The following ASCC3 variants were observed in gnomAD, a reference collection of about 807,000 sequenced individuals.
The protein encoded by ASCC3 is activating signal cointegrator 1 complex subunit 3.
ASCC3 carries 158 observed loss-of-function variants against 256.3 expected under a neutral mutation model. That is an observed-to-expected ratio of 0.62 (90% CI 0.54 to 0.70). The LOEUF is 0.70. Among genes scored for constraint, ASCC3 ranks in the 30% least tolerant of loss-of-function variants. The pLI, the probability that ASCC3 is intolerant of heterozygous loss-of-function variation, is 0.00. For missense variants in ASCC3, 2,259 were observed against 2,626.0 expected (o/e 0.86, Z 3.05); for synonymous variants, 948 against 883.4 (o/e 1.07, Z -1.30).
At chr6:100,616,938 A>C (rs1773691452) in intron 30 of ASCC3, among the ~76,000 whole-genome samples, 2 of 151,970 alleles carry the variant, frequency 1.3e-5, no homozygotes, top group South Asian at 4.1e-4. Flanking sequence ...CTGCTTTCCC[A>C]CCCCAGAAAA....
chr6:100,690,281 C>A (rs1393865589), intron 13 of ASCC3, among the ~76,000 whole-genome samples: 2 of 152,064 alleles, frequency 1.3e-5, no homozygotes, highest in Admixed American at 1.3e-4. Flanking sequence ...GTCTACGTGT[C>A]CAGTACAGAT....
intron 36 of ASCC3, among the ~76,000 whole-genome samples, chr6:100,545,333 A>T (rs1775665686): frequency 6.6e-6 from 1 of 152,108 alleles, no homozygotes. Flanking sequence ...GTGTGCCAGC[A>T]CACCTGGCTA....
intron 4 of ASCC3, among the ~76,000 whole-genome samples, chr6:100,832,963 T>C (rs1303123104): frequency 1.3e-5 from 2 of 151,930 alleles, no homozygotes; most frequent in Non-Finnish European, 2.9e-5. Flanking sequence ...TGAGCTATAC[T>C]AGAAAAACAA....
At chr6:100,862,183 G>T (rs374162241) in intron 3 of ASCC3, among the ~76,000 whole-genome samples, 2 of 152,134 alleles carry the variant, frequency 1.3e-5, no homozygotes, top group East Asian at 3.9e-4. Flanking sequence ...CAAACAACCT[G>T]CCTCTGTATT....
At position 100,608,252 on chromosome 6, in the gene ASCC3, C is replaced by CTTTATACTT. The variant is rs1554200834; in HGVS notation, c.4786-1165_4786-1164insAAGTATAAA. ...ATATACTTTATACTTTATATATATA[C>CTTTATACTT]TTTATATATACTTTATATATATACT... On this transcript the variant is annotated intron_variant, in intron 30 of 41. Transcript: ENST00000369162. 2.4e-4 allele frequency among the ~76,000 whole-genome samples: 8 copies of CTTTATACTT among 32,986 alleles called. 2 individuals carry two copies. Among genetic ancestry groups the CTTTATACTT allele is most frequent in the Non-Finnish European group, 3.1e-4 (5 of 16,070 alleles). 21.6% of individuals were successfully genotyped at this position (32,986 alleles called of 152,430 possible).
At chr6:100,747,021 C>T (rs1408102455) in intron 10 of ASCC3, among the ~76,000 whole-genome samples, 1 of 151,874 alleles carries the variant, frequency 6.6e-6, no homozygotes. Flanking sequence ...CAACAAAGAG[C>T]TTGTATTCAG....
chr6:100,622,894 A>T (rs962582853), intron 30 of ASCC3, among the ~76,000 whole-genome samples: 1 of 152,010 alleles, frequency 6.6e-6, no homozygotes, highest in African/African-American at 2.4e-5. Flanking sequence ...ATTAAAATTA[A>T]CAACAACAAC....
intron 10 of ASCC3, among the ~76,000 whole-genome samples, chr6:100,749,153 C>G (rs1314105582): frequency 6.6e-6 from 1 of 151,968 alleles, no homozygotes; most frequent in African/African-American, 2.4e-5. Flanking sequence ...GCCTCTTCCC[C>G]GTCAAACAGT....
At chr6:100,553,101 C>G (rs1013367484) in intron 36 of ASCC3, among the ~76,000 whole-genome samples, 8 of 152,052 alleles carry the variant, frequency 5.3e-5, no homozygotes, top group African/African-American at 1.9e-4. Flanking sequence ...ACTTAGTTCT[C>G]AGGTCCCTCA....
At position 100,539,653 on chromosome 6, in the gene ASCC3, CTT is replaced by C. The variant is rs559476341; in HGVS notation, c.5775+508_5775+509del. ...CTCCAGAGACCCTACGGTTCACTCT[CTT>C]CTTTCATTTTTAGTTAAATGTTACC... On this transcript the variant is annotated intron_variant, in intron 37 of 41. Transcript: ENST00000369162. Among the ~76,000 whole-genome samples, 165 of 152,196 alleles carry C rather than the reference CTT, an allele frequency of 1.1e-3. 1 individual carries two copies. Among genetic ancestry groups the C allele is most frequent in the Middle Eastern group, 3.4e-3 (1 of 294 alleles).
chr6:100,798,059 G>T (rs1177652354), intron 8 of ASCC3, among the ~76,000 whole-genome samples: 1 of 151,938 alleles, frequency 6.6e-6, no homozygotes, highest in African/African-American at 2.4e-5. Flanking sequence ...TGCTGTTTTT[G>T]CTTGCCTGTA....
chr6:100,532,372 A>G (rs2398126), intron 37 of ASCC3, among the ~76,000 whole-genome samples: 894 of 68,316 alleles, frequency 0.013, 6 homozygotes, highest in African/African-American at 0.033. Flanking sequence ...GTGTGTGTGT[A>G]TGTGTGTATA....
intron 4 of ASCC3, among the ~76,000 whole-genome samples, chr6:100,833,749 G>A (rs1771736940): frequency 6.6e-6 from 1 of 152,160 alleles, no homozygotes; most frequent in African/African-American, 2.4e-5. Context: ...GTGTCATTCA[G>A]AGTGAAGGGC....
At chr6:100,551,767 A>G (rs1350581606) in intron 36 of ASCC3, among the ~76,000 whole-genome samples, 1 of 152,036 alleles carries the variant, frequency 6.6e-6, no homozygotes, top group Non-Finnish European at 1.5e-5. Context: ...CATATTTAAA[A>G]ATTATAATTA....
At chr6:100,711,701 G>A (rs1480917858) in intron 13 of ASCC3, among the ~76,000 whole-genome samples, 2 of 152,192 alleles carry the variant, frequency 1.3e-5, no homozygotes, top group Admixed American at 6.6e-5. Flanking sequence ...TTGCACTCCA[G>A]CCTGGGCAAC....
Position 100,509,547 on chromosome 6 carries a change from A to G in ASCC3, c.6462-14T>C, listed in dbSNP as rs768487539. Reference sequence around the variant, plus strand: ...GTGTAGATATACCTAAAATATAAAAATAGAAGAAAAATGTAAAACCACTTT... The same window carrying G: ...GTGTAGATATACCTAAAATATAAAAGTAGAAGAAAAATGTAAAACCACTTT... On this transcript the variant is annotated splice_polypyrimidine_tract_variant and intron_variant, in intron 41 of 41. Transcript: ENST00000369162. 1 of 1,606,798 alleles carries G rather than the reference A, an allele frequency of 6.2e-7. No homozygotes were observed. The highest frequency in any genetic ancestry group is 1.7e-5 in the Admixed American group (1 of 59,950).
intron 13 of ASCC3, among the ~76,000 whole-genome samples, chr6:100,706,799 A>T (rs2115007642): frequency 6.6e-6 from 1 of 152,220 alleles, no homozygotes; most frequent in East Asian, 1.9e-4. Flanking sequence ...AGTTTTGGGC[A>T]ACTTTATTAT....
chr6:100,624,650 AAAT>A (rs1774138644), intron 30 of ASCC3, among the ~76,000 whole-genome samples: 4 of 151,970 alleles, frequency 2.6e-5, no homozygotes, highest in African/African-American at 9.7e-5. Flanking sequence ...TATACTGAGA[AAAT>A]AATTTTAAAC....
intron 37 of ASCC3, among the ~76,000 whole-genome samples, chr6:100,521,237 A>G (rs1043733554): frequency 1.3e-5 from 2 of 151,884 alleles, no homozygotes; most frequent in Non-Finnish European, 2.9e-5. Context: ...AATGGCTCTG[A>G]CGTATAAGAG....
Sources: allele counts gnomAD v4.1 joint callset (sites outside exome capture counted in the v4.1 genomes callset), GRCh38; gene constraint gnomAD v4.1.1; transcripts MANE v1.5; gene names NCBI Gene and HGNC (gene_info 2026-07-23, HGNC 2026-07-21).